The following NCEH1 variants were observed in gnomAD, a reference collection of about 807,000 sequenced individuals.
The protein encoded by NCEH1 is neutral cholesterol ester hydrolase 1.
A neutral mutation model predicts 25.4 loss-of-function variants in NCEH1; 9 were observed. The observed-to-expected ratio is 0.35, with a 90% CI of 0.21 to 0.62. NCEH1 has a LOEUF of 0.62. Among genes scored for constraint, NCEH1 ranks in the 20% least tolerant of loss-of-function variants. The pLI is 0.72. For synonymous variants in NCEH1, 200 were observed against 199.8 expected (o/e 1.00, Z -0.01); for missense variants, 412 against 501.1 (o/e 0.82, Z 1.70).
chr3:172,650,314 C>A (rs1379097009), intron 1 of NCEH1, among the ~76,000 whole-genome samples: 1 of 151,900 alleles, frequency 6.6e-6, no homozygotes, highest in South Asian at 2.1e-4. Flanking sequence ...ACCAGCCTGG[C>A]CAACATGGTG....
chr3:172,653,293 G>A (rs892729269), intron 1 of NCEH1, among the ~76,000 whole-genome samples: 6 of 152,092 alleles, frequency 3.9e-5, no homozygotes, highest in Non-Finnish European at 7.4e-5. Flanking sequence ...AAGATCAAAG[G>A]ACAAACAAGA....
chr3:172,694,941 T>A (rs1713276475), intron 1 of NCEH1, among the ~76,000 whole-genome samples: 2 of 152,234 alleles, frequency 1.3e-5, no homozygotes, highest in African/African-American at 4.8e-5. Context: ...ATTCATCTCA[T>A]GTTTTTAGCC....
chr3:172,694,394 C>CTGTG (rs768064072), intron 1 of NCEH1, among the ~76,000 whole-genome samples: 11 of 130,874 alleles, frequency 8.4e-5, no homozygotes, highest in East Asian at 4.3e-4. Context: ...GTGTGTGTGT[C>CTGTG]TGTGTGTGTG....
chr3:172,655,394 T>C (rs368860869), intron 1 of NCEH1, among the ~76,000 whole-genome samples: 2 of 152,218 alleles, frequency 1.3e-5, no homozygotes, highest in Admixed American at 6.5e-5. Context: ...ACCCAGGTAG[T>C]TGGTTCATGT....
At chr3:172,655,336 C>T (rs576814997) in intron 1 of NCEH1, among the ~76,000 whole-genome samples, 15 of 152,336 alleles carry the variant, frequency 9.8e-5, no homozygotes, top group African/African-American at 2.6e-4. Context: ...GTACTCATTA[C>T]GCCTCAGTGG....
intron 1 of NCEH1, among the ~76,000 whole-genome samples, chr3:172,678,505 C>T (rs1712146241): frequency 6.6e-6 from 1 of 152,188 alleles, no homozygotes; most frequent in Non-Finnish European, 1.5e-5. Flanking sequence ...AACGTTTAGT[C>T]TATTGAAAGA....
chr3:172,698,509 T>C (rs1437145093), intron 1 of NCEH1, among the ~76,000 whole-genome samples: 1 of 152,190 alleles, frequency 6.6e-6, no homozygotes, highest in Non-Finnish European at 1.5e-5. Flanking sequence ...AAAGATAGTT[T>C]GAGTCTCAGG....
chr3:172,708,917 G>GA (rs1303604881), intron 1 of NCEH1, among the ~76,000 whole-genome samples: 5 of 152,154 alleles, frequency 3.3e-5, no homozygotes, highest in African/African-American at 1.2e-4. Flanking sequence ...GGTGACACTG[G>GA]AAAATTGCTT....
intron 1 of NCEH1, among the ~76,000 whole-genome samples, chr3:172,667,748 G>T (rs572370944): frequency 3.2e-4 from 48 of 152,314 alleles, no homozygotes; most frequent in African/African-American, 1.2e-3. Context: ...CCCCTCTGGA[G>T]TGCACTCTAC....
At chr3:172,652,696 A>C (rs996320540) in intron 1 of NCEH1, among the ~76,000 whole-genome samples, 2 of 151,910 alleles carry the variant, frequency 1.3e-5, no homozygotes, top group Non-Finnish European at 2.9e-5. Flanking sequence ...GTTTCCTGAA[A>C]CCTCTATTTC....
intron 1 of NCEH1, among the ~76,000 whole-genome samples, chr3:172,705,303 C>T (rs373232548): frequency 2.6e-3 from 401 of 152,286 alleles, no homozygotes; most frequent in Non-Finnish European, 4.5e-3. Context: ...TAAGCACATT[C>T]TGAGAATGAC....
rs569093474 is a variant in NCEH1 at position 172,633,518 on chromosome 3, C to T, written c.1184G>A (p.Arg395Gln). Residue 395 changes from arginine (R) to glutamine (Q), a missense_variant, in exon 5 of 5, where the codon CGG (arginine) becomes CAG (glutamine). Around this residue, in one of 3 missense-constraint regions of NCEH1, gnomAD observed 210 missense variants for 258.2 expected, o/e 0.81. Coordinates refer to ENST00000475381, the MANE Select transcript of NCEH1 (RefSeq NM_020792.6). The stretch of plus-strand genomic sequence containing the variant: ...CCACTTGATGTAACTATTCCTAGTC[C>T]GGATTCCCACTGAGAAGTTGGTGGG... ...SWPTNFSVGI[R>Q]TRNSYIKWLD... 78 of 1,613,886 alleles carry T rather than the reference C, an allele frequency of 4.8e-5. No homozygotes were observed. The highest frequency in any genetic ancestry group is 6.7e-5 in the East Asian group (3 of 44,886).
At chr3:172,650,557 G>A (rs1717347594) in intron 1 of NCEH1, among the ~76,000 whole-genome samples, 2 of 151,632 alleles carry the variant, frequency 1.3e-5, no homozygotes, top group Admixed American at 1.3e-4. Context: ...GCTGAGGCAG[G>A]AGAATGGCAT....
chr3:172,696,518 T>C lies in NCEH1; in HGVS notation c.138+14329A>G, dbSNP rs138191987. Among the ~76,000 whole-genome samples the C allele has an allele frequency of 8.8e-3, 1,341 of 152,380 alleles. 8 individuals are homozygous for C. The highest frequency in any genetic ancestry group is 0.051 in the Middle Eastern group (15 of 294). On this transcript the variant is annotated intron_variant, in intron 1 of 4. Coordinates refer to ENST00000475381, the MANE Select transcript of NCEH1 (RefSeq NM_020792.6). ...ATGATAACAATGAACAATAAACCTTTATTCACATATTGTGCAATCTTCATA... is the reference window on the plus strand; with the variant it reads ...ATGATAACAATGAACAATAAACCTTCATTCACATATTGTGCAATCTTCATA...
At chr3:172,645,000 C>T (rs1233016616) in intron 3 of NCEH1, among the ~76,000 whole-genome samples, 1 of 152,146 alleles carries the variant, frequency 6.6e-6, no homozygotes, top group Non-Finnish European at 1.5e-5. Flanking sequence ...GAAGAAGAGA[C>T]ACGTGTGCAA....
intron 1 of NCEH1, among the ~76,000 whole-genome samples, chr3:172,651,759 A>G (rs1426396892): frequency 6.6e-6 from 1 of 152,150 alleles, no homozygotes; most frequent in Non-Finnish European, 1.5e-5. Flanking sequence ...GGGTTTTGCC[A>G]CATTGGCAAG....
chr3:172,679,338 C>T (rs1712210468), intron 1 of NCEH1, among the ~76,000 whole-genome samples: 1 of 152,216 alleles, frequency 6.6e-6, no homozygotes, highest in African/African-American at 2.4e-5. Flanking sequence ...AATGTTAGCA[C>T]AGGTCTTTGA....
chr3:172,686,559 C>T lies in NCEH1; in HGVS notation c.138+24288G>A, dbSNP rs115504448. ...GCTTGCATAAGTTCTATGTGATGCT[C>T]GATACTGGGATGTGGACATGCAAAG... On this transcript the variant is annotated intron_variant, in intron 1 of 4. Transcript: ENST00000475381. 9.3e-3 allele frequency among the ~76,000 whole-genome samples: 1,408 copies of T among 152,156 alleles called. 31 individuals are homozygous for T. Among genetic ancestry groups the T allele is most frequent in the African/African-American group, 0.032 (1,334 of 41,484 alleles).
chr3:172,699,257 A>C (rs1713554082), intron 1 of NCEH1, among the ~76,000 whole-genome samples: 1 of 152,198 alleles, frequency 6.6e-6, no homozygotes. Flanking sequence ...GGACAACAGG[A>C]GAAGCGTAAG....
Sources: gnomAD v4.1 joint callset for allele counts (sites outside exome capture counted in the v4.1 genomes callset) on GRCh38, gnomAD v4.1.1 for gene constraint, gnomAD v4.1.1 regional missense constraint, MANE v1.5 for transcripts, NCBI Gene and HGNC (gene_info 2026-07-23, HGNC 2026-07-21) for gene names.